The following FBN3 variants were observed in gnomAD, a reference collection of about 807,000 sequenced individuals.
FBN3 encodes fibrillin 3.
A neutral mutation model predicts 330.1 loss-of-function variants in FBN3; 234 were observed. The observed-to-expected ratio is 0.71, with a 90% CI of 0.64 to 0.79. The LOEUF is 0.79. FBN3 is among the 30% of genes least tolerant of loss of function. FBN3 has a pLI of 0.00. For missense variants in FBN3, 3,606 were observed against 3,886.9 expected (o/e 0.93, Z 1.92); for synonymous variants, 1,458 against 1,517.3 (o/e 0.96, Z 0.91).
At chr19:8,068,390 C>CAAAAAAAA (rs71165268) in intron 63 of FBN3, among the ~76,000 whole-genome samples, 1 of 137,212 alleles carries the variant, frequency 7.3e-6, no homozygotes, top group Admixed American at 7.5e-5. Context: ...GACTCCGTCT[C>CAAAAAAAA]AAAAAAAAAA....
At position 8,081,407 on chromosome 19, in the gene FBN3, G is replaced by A. The variant is rs1435920667; in HGVS notation, c.7287C>T (p.Cys2429=). 4.3e-6 allele frequency: 7 copies of A among 1,612,480 alleles called. No homozygotes were observed. The highest frequency in any genetic ancestry group is 1.7e-4 in the Middle Eastern group (1 of 6,056). ...CCAGCAGGTAGCCTCGGGGACAGCTGCACAGGAAACTGCCCTTCGTGTTTT... is the reference window on the plus strand; with the variant it reads ...CCAGCAGGTAGCCTCGGGGACAGCTACACAGGAAACTGCCCTTCGTGTTTT... The part of the protein sequence containing the change: ...LCKNTKGSFL[C]SCPRGYLLEE... The change falls in exon 58 of 64, where the codon TGC becomes TGT. Residue 2429 remains cysteine (C), a synonymous_variant. Coordinates refer to ENST00000600128, the MANE Select transcript of FBN3 (RefSeq NM_032447.5).
chr19:8,121,715 GTTTGT>G lies in FBN3; in HGVS notation c.3083-334_3083-330del, dbSNP rs374259636. On this transcript the variant is annotated intron_variant, in intron 24 of 63. Transcript: ENST00000600128. This position sits in a 1 kb window ranked among gnomAD's most constrained non-coding sequence, Gnocchi z 4.5. ...CTTTATTTTGATGGTAGATTTGTTT[GTTTGT>G]TTTATTTTATTTTATTTTTATTACT... Among the ~76,000 whole-genome samples the G allele has an allele frequency of 1.3e-5, 2 of 151,842 alleles. No homozygotes were observed. Among genetic ancestry groups the G allele is most frequent in the East Asian group, 3.9e-4 (2 of 5,186 alleles).
At position 8,072,966 on chromosome 19, in the gene FBN3, C is replaced by CGTGTGTGTGTGTGTGT. The variant is rs60155490; in HGVS notation, c.7937+81_7937+96dup. 729 of 644,998 alleles carry CGTGTGTGTGTGTGTGT rather than the reference C, an allele frequency of 1.1e-3. 2 individuals are homozygous for CGTGTGTGTGTGTGTGT. Among genetic ancestry groups the CGTGTGTGTGTGTGTGT allele is most frequent in the African/African-American group, 3.6e-3 (183 of 51,014 alleles). 40.0% of individuals were successfully genotyped at this position (644,998 alleles called of 1,614,324 possible). A position where few individuals can be genotyped will look rare whatever the true frequency, so the allele number is the denominator to read the frequency against. On this transcript the variant is annotated intron_variant, in intron 62 of 63. Transcript: ENST00000600128. ...TAAATTCTTGGCATGCACAAAGCCC[C>CGTGTGTGTGTGTGTGT]GTGTGTGTGTGTGTGTGTGTGTGTG...
chr19:8,091,697 G>A (rs2082099182), intron 47 of FBN3, 107 bp from the exon 48 acceptor site: 6 of 1,263,148 alleles, frequency 4.8e-6, no homozygotes, highest in Non-Finnish European at 6.6e-6. Context: ...TCCAGCCAGG[G>A]GCTGCAGTGG....
At position 8,103,705 on chromosome 19, in the gene FBN3, G is replaced by T. The variant is rs773802243; in HGVS notation, c.4814-18C>A. The T allele has an allele frequency of 2.5e-6, 4 of 1,610,716 alleles. No homozygotes were observed. The highest frequency in any genetic ancestry group is 2.5e-6 in the Non-Finnish European group (3 of 1,178,010). On this transcript the variant is annotated intron_variant, in intron 38 of 63. Coordinates refer to ENST00000600128, the MANE Select transcript of FBN3 (RefSeq NM_032447.5). ...GTCAATATCTGCAGGGAAAGAAGGG[G>T]TGGAGGGGAACAGTGGGCAGCGTCC... is the stretch of plus-strand genomic sequence containing the variant.
rs533912276 is a variant in FBN3, at chr19:8,122,233, C to T, written c.3083-847G>A. 9.2e-5 allele frequency among the ~76,000 whole-genome samples: 14 copies of T among 152,232 alleles called. No homozygotes were observed. The South Asian group carries it at 2.9e-3, about 32-fold the overall frequency. Reference sequence around the variant, plus strand: ...GTCTCGCTGTGTTACCCAGGATAGTCTCAAACTCTTGGGCTCAAGCAATCC... The same window carrying T: ...GTCTCGCTGTGTTACCCAGGATAGTTTCAAACTCTTGGGCTCAAGCAATCC... On this transcript the variant is annotated intron_variant, in intron 24 of 63. Coordinates refer to ENST00000600128, the MANE Select transcript of FBN3 (RefSeq NM_032447.5).
At chr19:8,087,689 C>T in intron 53 of FBN3, 136 bp downstream of exon 53, 1 of 701,660 alleles carries the variant, frequency 1.4e-6, no homozygotes. Flanking sequence ...TCACTGCAAC[C>T]TCCGCCTCCC....
At chr19:8,093,372 C>T (rs939330917) in intron 47 of FBN3, among the ~76,000 whole-genome samples, 4 of 152,044 alleles carry the variant, frequency 2.6e-5, no homozygotes, top group Non-Finnish European at 5.9e-5. Flanking sequence ...GCCTGTAATC[C>T]CAGCACTTTG....
Position 8,089,913 on chromosome 19 carries a change from G to A in FBN3, c.6231C>T (p.Gly2077=). 6.2e-7 allele frequency: 1 copy of A among 1,603,632 alleles called. No individual in the cohort carries two copies. Among genetic ancestry groups the A allele is most frequent in the Non-Finnish European group, 8.5e-7 (1 of 1,175,966 alleles). The change falls in exon 50 of 64, where the codon GGC becomes GGT. Residue 2077 remains glycine (G), a synonymous_variant. Transcript: ENST00000600128. ...LCPFGHGAVP[G]PDDSREDVNE... is the part of the protein sequence containing the mutation. ...GCTCACCTTCTCGGGAGTCATCCGG[G>A]CCTGGGACTGCCCCGTGGCCAAAGG... is the stretch of plus-strand genomic sequence containing the variant.
rs1221723227 is a variant in FBN3, at chr19:8,072,196, T to A, written c.7940A>T (p.His2647Leu). ...PQGYFRAGQGHCVSGLGFSPG... is the reference protein window; with the variant it reads ...PQGYFRAGQGLCVSGLGFSPG... Reference sequence around the variant, plus strand: ...GCTGAAGCCCAGGCCGGAGACACAGTGCCTGGGCCAGGATGGGCAGGGTGG... The same window carrying A: ...GCTGAAGCCCAGGCCGGAGACACAGAGCCTGGGCCAGGATGGGCAGGGTGG... Residue 2647 changes from histidine to leucine, a missense_variant and splice_region_variant, in exon 63 of 64, where the codon CAC becomes CTC. By Grantham distance (99) the His-to-Leu change is moderately conservative. Transcript: ENST00000600128. 6.5e-7 allele frequency: 1 copy of A among 1,536,776 alleles called. No individual in the cohort carries two copies. The highest frequency in any genetic ancestry group is 1.2e-5 in the South Asian group (1 of 80,674).
rs528690182 is a variant in FBN3, at chr19:8,103,169, A to G, written c.4940-296T>C. Among the ~76,000 whole-genome samples the G allele has an allele frequency of 4.0e-4, 60 of 150,066 alleles. No homozygotes were observed. The East Asian group carries it at 7.8e-3, about 20-fold the overall frequency. ...GTAATCCCAGCTACTTGGGAGGCTG[A>G]GGCAGGAGAATCGCTTGAACCTGGG... On this transcript the variant is annotated intron_variant, in intron 39 of 63. Transcript: ENST00000600128.
At position 8,073,828 on chromosome 19, in the gene FBN3, C is replaced by T. The variant is rs143088622; in HGVS notation, c.7703-531G>A. Among the ~76,000 whole-genome samples, 917 of 152,274 alleles carry T rather than the reference C, an allele frequency of 6.0e-3. 16 individuals are homozygous for T. The highest frequency in any genetic ancestry group is 0.021 in the African/African-American group (868 of 41,562). On this transcript the variant is annotated intron_variant, in intron 61 of 63. Transcript: ENST00000600128. ...CTGAGTAGCTGGGACTACAGGTGTGCACCAACATGCCTGGCTAATCTTTTA... is the reference window on the plus strand; with the variant it reads ...CTGAGTAGCTGGGACTACAGGTGTGTACCAACATGCCTGGCTAATCTTTTA...
rs1329983033 is a variant in FBN3, at chr19:8,121,014, C to T, written c.3211+244G>A. On this transcript the variant is annotated intron_variant, in intron 25 of 63. Coordinates refer to ENST00000600128, the MANE Select transcript of FBN3 (RefSeq NM_032447.5). This position sits in a 1 kb window ranked among gnomAD's most constrained non-coding sequence, Gnocchi z 4.5. ...GTCCCTGTCCTCTACCCAAGCTACA[C>T]ACCCTCCCTGGGAGACCACACCCCA... is the stretch of plus-strand genomic sequence containing the variant. Among the ~76,000 whole-genome samples, 1 of 152,104 alleles carries T rather than the reference C, an allele frequency of 6.6e-6. No individual in the cohort carries two copies. The highest frequency in any genetic ancestry group is 1.5e-5 in the Non-Finnish European group (1 of 68,006).
chr19:8,126,062 G>T, intron 21 of FBN3, 45 bp from the exon 22 acceptor site: 1 of 1,611,780 alleles, frequency 6.2e-7, no homozygotes, highest in Non-Finnish European at 8.5e-7. Flanking sequence ...GGAGGGGAAG[G>T]GTGCTGGCTG....
intron 30 of FBN3, among the ~76,000 whole-genome samples, chr19:8,112,429 G>A (rs1351899795): frequency 6.6e-6 from 1 of 152,082 alleles, no homozygotes; most frequent in Non-Finnish European, 1.5e-5. Flanking sequence ...GGTGGATCAC[G>A]AGGTCAGGAG....
rs148217751 is a variant in FBN3, at chr19:8,108,446, C to T, written c.4619-208G>A. Among the ~76,000 whole-genome samples, 136 of 151,976 alleles carry T rather than the reference C, an allele frequency of 8.9e-4. 1 individual carries two copies. Among genetic ancestry groups the T allele is most frequent in the African/African-American group, 3.1e-3 (128 of 41,446 alleles). The stretch of plus-strand genomic sequence containing the variant: ...CTGCTTGCGTGTGTGTGTGCATGTG[C>T]GTGTGCATGCGTGTGTGTGTGTAAA... On this transcript the variant is annotated intron_variant, in intron 36 of 63. Coordinates refer to ENST00000600128, the MANE Select transcript of FBN3 (RefSeq NM_032447.5).
Position 8,072,097 on chromosome 19 carries a change from C to A in FBN3, c.8039G>T (p.Gly2680Val). Reference protein sequence around the residue: ...SEACYECKINGLSPRDRPRRS... With the variant: ...SEACYECKINVLSPRDRPRRS... Reference sequence around the variant, plus strand: ...TCGTGGCCGGTCCCGAGGGGAGAGGCCATTGATCTTGCATTCGTAGCAGGC... The same window carrying A: ...TCGTGGCCGGTCCCGAGGGGAGAGGACATTGATCTTGCATTCGTAGCAGGC... The change falls in exon 63 of 64, where the codon GGC becomes GTC. Residue 2680 changes from glycine (G) to valine (V), a missense_variant. Coordinates refer to ENST00000600128, the MANE Select transcript of FBN3 (RefSeq NM_032447.5). 4 of 1,612,560 alleles carry A rather than the reference C, an allele frequency of 2.5e-6. No homozygotes were observed. Among genetic ancestry groups the A allele is most frequent in the Non-Finnish European group, 3.4e-6 (4 of 1,179,628 alleles).
intron 10 of FBN3, among the ~76,000 whole-genome samples, chr19:8,137,100 T>TG: frequency 8.8e-6 from 1 of 113,358 alleles, no homozygotes; most frequent in Admixed American, 8.8e-5. Flanking sequence ...TCCAACCTGG[T>TG]GCCTAGATCC....
At chr19:8,074,802 A>C in intron 61 of FBN3, 1 of 430,454 alleles carries the variant, frequency 2.3e-6, no homozygotes, top group African/African-American at 2.0e-5. Flanking sequence ...CTGTGATCAC[A>C]AAATTGCAGA....
Sources: gnomAD v4.1 joint callset for allele counts (sites outside exome capture counted in the v4.1 genomes callset) on GRCh38, gnomAD v4.1.1 for gene constraint, Gnocchi (gnomAD v3.1) non-coding constraint, MANE v1.5 for transcripts, NCBI Gene and HGNC (gene_info 2026-07-23, HGNC 2026-07-21) for gene names.